KDM4C: variants seen among roughly 807,000 people sequenced by gnomAD.
KDM4C encodes lysine demethylase 4C.
In KDM4C, 81 loss-of-function variants were observed where a neutral mutation model predicts 129.3. That is an observed-to-expected ratio of 0.63 (90% CI 0.52 to 0.75). The LOEUF (loss-of-function observed/expected upper bound fraction) is 0.75. Ranked by LOEUF, KDM4C falls within the 30% of genes least tolerant of loss-of-function variation. The pLI, the probability that KDM4C is intolerant of heterozygous loss-of-function variation, is 0.00. For synonymous variants in KDM4C, 573 were observed against 456.1 expected (o/e 1.26, Z -3.26); for missense variants, 1,457 against 1,304.0 (o/e 1.12, Z -1.81).
At chr9:6,802,839 T>A (rs2130990109) in intron 2 of KDM4C, among the ~76,000 whole-genome samples, 1 of 152,326 alleles carries the variant, frequency 6.6e-6, no homozygotes, top group East Asian at 1.9e-4. Flanking sequence ...ACTTCTGACC[T>A]CAGGTGGTCT....
intron 18 of KDM4C, among the ~76,000 whole-genome samples, chr9:7,111,133 C>T (rs1838273336): frequency 6.6e-6 from 1 of 151,748 alleles, no homozygotes; most frequent in Admixed American, 6.6e-5. Flanking sequence ...TTTGATGAGA[C>T]AGTGGTGGGA....
At chr9:7,060,701 CA>C (rs1831528858) in intron 17 of KDM4C, among the ~76,000 whole-genome samples, 1 of 151,988 alleles carries the variant, frequency 6.6e-6, no homozygotes, top group Admixed American at 6.6e-5. Flanking sequence ...AGGATGGTCT[CA>C]AACTCCTGAC....
intron 8 of KDM4C, among the ~76,000 whole-genome samples, chr9:6,912,089 G>A (rs1282831764): frequency 1.3e-5 from 2 of 152,194 alleles, no homozygotes; most frequent in East Asian, 3.8e-4. Context: ...GGTGACCTTA[G>A]GAAAGAGGTT....
chr9:6,721,745 C>T lies in KDM4C; in HGVS notation c.49+748C>T, dbSNP rs190100360. ...CTGGGATTACAGGTGCCTGCCGCCACGCCCGGCTAATTTTTTGTATTTTTA... is the reference window on the plus strand; with the variant it reads ...CTGGGATTACAGGTGCCTGCCGCCATGCCCGGCTAATTTTTTGTATTTTTA... On this transcript the variant is annotated intron_variant, in intron 1 of 17. Coordinates refer to the KDM4C transcript ENST00000536108. Among the ~76,000 whole-genome samples, 10 of 152,038 alleles carry T rather than the reference C, an allele frequency of 6.6e-5. No homozygotes were observed. In the East Asian group the frequency reaches 7.8e-4, roughly 12 times the overall value.
intron 8 of KDM4C, among the ~76,000 whole-genome samples, chr9:6,934,656 G>GT (rs933734154): frequency 3.0e-4 from 45 of 151,744 alleles, no homozygotes; most frequent in Admixed American, 2.6e-4. Flanking sequence ...TAGAGATGGG[G>GT]TTTCACCATG....
chr9:6,941,138 C>G (rs576229134), intron 8 of KDM4C, among the ~76,000 whole-genome samples: 113 of 151,782 alleles, frequency 7.4e-4, no homozygotes, highest in Non-Finnish European at 1.3e-3. Context: ...TCAAGCGATT[C>G]TTGTGCCTCA....
chr9:7,163,633 C>A (rs964624301), intron 19 of KDM4C, among the ~76,000 whole-genome samples: 1 of 152,056 alleles, frequency 6.6e-6, no homozygotes, highest in Non-Finnish European at 1.5e-5. Context: ...CGGAGACTGA[C>A]GCATGTAATC....
rs564302048 is a variant in KDM4C, at chr9:7,083,925, C to G, written c.2425-19760C>G. On this transcript the variant is annotated intron_variant, in intron 17 of 21. Coordinates refer to ENST00000381309, the MANE Select transcript of KDM4C (RefSeq NM_015061.6). ...TGGGCAAAGATCCTATGAGTAAAAA[C>G]ATTATATAGAGAGAGGACAAAAAAG... Among the ~76,000 whole-genome samples, 3 of 152,130 alleles carry G rather than the reference C, an allele frequency of 2.0e-5. No homozygotes were observed. The South Asian group carries it at 6.2e-4, about 32-fold the overall frequency.
chr9:7,062,538 C>T (rs1012579326), intron 17 of KDM4C, among the ~76,000 whole-genome samples: 1 of 152,032 alleles, frequency 6.6e-6, no homozygotes, highest in Admixed American at 6.6e-5. Context: ...CAGGTTTGCA[C>T]TACTATTTCC....
At chr9:6,868,820 G>A (rs373829833) in intron 5 of KDM4C, among the ~76,000 whole-genome samples, 8 of 151,946 alleles carry the variant, frequency 5.3e-5, no homozygotes, top group African/African-American at 1.7e-4. Flanking sequence ...ATTTTGGAGA[G>A]GTCAGGAAAG....
intron 19 of KDM4C, among the ~76,000 whole-genome samples, chr9:7,156,487 G>T (rs895575586): frequency 3.3e-5 from 5 of 152,164 alleles, no homozygotes; most frequent in Admixed American, 2.6e-4. Flanking sequence ...ATGGTTTTAG[G>T]TCTAACATTT....
intron 8 of KDM4C, among the ~76,000 whole-genome samples, chr9:6,970,806 A>ACCC (rs1831848191): frequency 8.2e-6 from 1 of 121,276 alleles, no homozygotes; most frequent in African/African-American, 3.2e-5. Context: ...CCCCGCCCCT[A>ACCC]ACCCCCACCC....
chr9:6,857,946 T>TTTTA (rs555121528), intron 5 of KDM4C, among the ~76,000 whole-genome samples: 13 of 140,272 alleles, frequency 9.3e-5, no homozygotes, highest in Admixed American at 8.3e-4. Context: ...TTTTTTTTTT[T>TTTTA]AGAGATGGGG....
intron 8 of KDM4C, among the ~76,000 whole-genome samples, chr9:6,930,439 A>T (rs1220547094): frequency 2.1e-5 from 3 of 141,360 alleles, no homozygotes; most frequent in African/African-American, 7.4e-5. Context: ...GCAGTTATTT[A>T]AAAATGTCTT....
intron 15 of KDM4C, among the ~76,000 whole-genome samples, chr9:7,044,249 T>TTCAA (rs1170971052): frequency 2.5e-4 from 38 of 152,030 alleles, no homozygotes; most frequent in South Asian, 6.2e-4. Flanking sequence ...GTTTAATTAT[T>TTCAA]GATGAATGGC....
At chr9:7,093,395 C>T (rs993038841) in intron 17 of KDM4C, among the ~76,000 whole-genome samples, 2 of 151,992 alleles carry the variant, frequency 1.3e-5, no homozygotes, top group Non-Finnish European at 2.9e-5. Context: ...AATAACAACA[C>T]GAAAAAAGAA....
intron 6 of KDM4C, among the ~76,000 whole-genome samples, chr9:6,881,491 T>A (rs1357042404): frequency 6.6e-6 from 1 of 152,190 alleles, no homozygotes; most frequent in Non-Finnish European, 1.5e-5. Context: ...TATTCTCAAC[T>A]GTCTTCTTCT....
chr9:7,159,949 C>G (rs903046267), intron 19 of KDM4C, among the ~76,000 whole-genome samples: 27 of 152,316 alleles, frequency 1.8e-4, no homozygotes, highest in African/African-American at 6.5e-4. Flanking sequence ...TCTATTCTCC[C>G]CATCACTTTC....
At chr9:7,160,546 A>C (rs191391548) in intron 19 of KDM4C, among the ~76,000 whole-genome samples, 4 of 152,094 alleles carry the variant, frequency 2.6e-5, no homozygotes, top group Non-Finnish European at 4.4e-5. Context: ...TGTTGATGCT[A>C]TTCCCTTCCG....
Sources: gnomAD v4.1 joint callset for allele counts (sites outside exome capture counted in the v4.1 genomes callset) on GRCh38, gnomAD v4.1.1 for gene constraint, MANE v1.5 for transcripts, NCBI Gene and HGNC (gene_info 2026-07-23, HGNC 2026-07-21) for gene names.